The following JMJD1C variants were observed in gnomAD, a reference collection of about 807,000 sequenced individuals.
The protein encoded by JMJD1C is jumonji domain containing 1C, also known as jumonji domain-containing protein 1C.
A neutral mutation model predicts 245.3 loss-of-function variants in JMJD1C; 31 were observed. That is an observed-to-expected ratio of 0.13 (90% confidence interval 0.09 to 0.17). The LOEUF (loss-of-function observed/expected upper bound fraction) is 0.17, where lower values mean the gene tolerates loss of function less well. Among genes scored for constraint, JMJD1C ranks in the 10% least tolerant of loss-of-function variants. The probability of loss-of-function intolerance (pLI) is 1.00; values close to 1 mark genes in which losing one functional copy is unlikely to be tolerated. For synonymous variants in JMJD1C, 1,057 were observed against 1,017.4 expected (o/e 1.04, Z -0.74); for missense variants, 2,691 against 3,000.2 (o/e 0.90, Z 2.41).
At chr10:63,279,069 G>A (rs1421652593) in intron 2 of JMJD1C, among the ~76,000 whole-genome samples, 2 of 151,940 alleles carry the variant, frequency 1.3e-5, no homozygotes, top group Non-Finnish European at 2.9e-5. Flanking sequence ...GGCCAACATG[G>A]TGAAACCTCA....
At chr10:63,227,355 C>T (rs74809295) in intron 3 of JMJD1C, among the ~76,000 whole-genome samples, 2,477 of 152,278 alleles carry the variant, frequency 0.016, 65 homozygotes, top group African/African-American at 0.056. Context: ...CACATAGTCT[C>T]ATTTGACTGC....
chr10:63,207,376 T>A lies in JMJD1C; in HGVS notation c.4293A>T (p.Glu1431Asp), dbSNP rs1846758084. The A allele has an allele frequency of 6.2e-7, 1 of 1,614,062 alleles. No individual in the cohort carries two copies. The highest frequency in any genetic ancestry group is 1.1e-5 in the South Asian group (1 of 91,080). The change falls in exon 10 of 26, where the codon GAA (glutamate) becomes GAT (aspartate). Residue 1431 changes from glutamate (E) to aspartate (D), a missense_variant. By Grantham distance (45) the Glu-to-Asp change is conservative. Transcript: ENST00000399262. ...SNTILASTSS[E>D]CVSSKSVSQP... ...GACTGACACTTTTTGAAGATACACATTCTGATGATGTAGAGGCCAAAATGG... is the reference window on the plus strand; with the variant it reads ...GACTGACACTTTTTGAAGATACACAATCTGATGATGTAGAGGCCAAAATGG...
At position 63,465,484 on chromosome 10, in the gene JMJD1C, G is replaced by C. The variant is rs1061259; in HGVS notation, c.168+11C>G. ...CGCGGCAGGGGAAAAGGGGGGCGCTGACTCTCTTACCGCCAGGTCCGGATT... is the reference window on the plus strand; with the variant it reads ...CGCGGCAGGGGAAAAGGGGGGCGCTCACTCTCTTACCGCCAGGTCCGGATT... On this transcript the variant is annotated intron_variant, in intron 1 of 25. Transcript: ENST00000399262. 1,228,103 of 1,589,650 alleles carry C rather than the reference G, an allele frequency of 0.77. 484,136 individuals carry two copies. The highest frequency in any genetic ancestry group is 0.81 in the Non-Finnish European group (950,076 of 1,170,740).
intron 2 of JMJD1C, among the ~76,000 whole-genome samples, chr10:63,347,520 G>T (rs1006300517): frequency 4.7e-5 from 7 of 150,416 alleles, no homozygotes; most frequent in African/African-American, 1.5e-4. Context: ...GCAGGTGGAA[G>T]TTGCAGTGAG....
chr10:63,210,964 G>C (rs1847249961), intron 8 of JMJD1C, among the ~76,000 whole-genome samples: 1 of 152,214 alleles, frequency 6.6e-6, no homozygotes, highest in Non-Finnish European at 1.5e-5. Flanking sequence ...CTGAGATCTT[G>C]TCAACCTCAA....
intron 3 of JMJD1C, among the ~76,000 whole-genome samples, chr10:63,223,234 T>G (rs1378993926): frequency 2.0e-5 from 3 of 148,902 alleles, no homozygotes; most frequent in East Asian, 1.9e-4. Flanking sequence ...GTGCTGTTTT[T>G]TTTTTTTTTT....
chr10:63,219,856 T>C (rs1848408768), intron 4 of JMJD1C, 22 bp downstream of exon 4: 2 of 1,568,182 alleles, frequency 1.3e-6, no homozygotes, highest in South Asian at 1.1e-5. Context: ...AAAAATTTAA[T>C]GCATAACTTC....
chr10:63,463,653 GAC>G (rs1367771725), intron 1 of JMJD1C, among the ~76,000 whole-genome samples: 2 of 151,976 alleles, frequency 1.3e-5, no homozygotes, highest in African/African-American at 2.4e-5. Context: ...TTCAAATAAA[GAC>G]AGATTAAAAA....
chr10:63,472,101 C>G (rs370629069), intron 1 of JMJD1C, among the ~76,000 whole-genome samples: 66 of 152,120 alleles, frequency 4.3e-4, no homozygotes, highest in African/African-American at 1.6e-3. Context: ...AGAATTTTTG[C>G]AATGTTCTAC....
chr10:63,320,451 T>A (rs1940712655), intron 2 of JMJD1C, among the ~76,000 whole-genome samples: 1 of 152,178 alleles, frequency 6.6e-6, no homozygotes, highest in Non-Finnish European at 1.5e-5. Flanking sequence ...AAGCAATGTA[T>A]ATAGACGATG....
Position 63,167,496 on chromosome 10 carries a change from G to C in JMJD1C, c.*549C>G, listed in dbSNP as rs1841961714. Reference sequence around the variant, plus strand: ...CAGTCAATAGCTTCAACAAAATATTGAAGTGTCTGTATTTAGTATCTACTT... The same window carrying C: ...CAGTCAATAGCTTCAACAAAATATTCAAGTGTCTGTATTTAGTATCTACTT... On this transcript the variant is annotated 3_prime_UTR_variant, in exon 26 of 26. Coordinates refer to ENST00000399262, the MANE Select transcript of JMJD1C (RefSeq NM_032776.3). 6.6e-6 allele frequency: 1 copy of C among 152,482 alleles called. No individual in the cohort carries two copies. Among genetic ancestry groups the C allele is most frequent in the Non-Finnish European group, 1.5e-5 (1 of 67,994 alleles). The allele number at this position is 152,482 out of a possible 1,614,324, so 9.4% of individuals were successfully genotyped here. A position where few individuals can be genotyped will look rare whatever the true frequency, so the allele number is the denominator to read the frequency against.
At chr10:63,494,427 C>T (rs1268902870) in intron 1 of JMJD1C, among the ~76,000 whole-genome samples, 1 of 151,912 alleles carries the variant, frequency 6.6e-6, no homozygotes, top group Non-Finnish European at 1.5e-5. Context: ...TTAAAAATGT[C>T]ATCATATTGT....
intron 1 of JMJD1C, among the ~76,000 whole-genome samples, chr10:63,389,923 A>G (rs936870215): frequency 4.6e-5 from 7 of 152,168 alleles, no homozygotes; most frequent in African/African-American, 7.2e-5. Flanking sequence ...CATAATTAAT[A>G]CCTATAACCA....
At chr10:63,290,193 A>G (rs1300701410) in intron 2 of JMJD1C, among the ~76,000 whole-genome samples, 1 of 152,214 alleles carries the variant, frequency 6.6e-6, no homozygotes, top group Non-Finnish European at 1.5e-5. Flanking sequence ...AGAATCTTAA[A>G]GAAAGGTCTA....
At chr10:63,179,039 T>G (rs1330495340) in intron 22 of JMJD1C, among the ~76,000 whole-genome samples, 1 of 152,154 alleles carries the variant, frequency 6.6e-6, no homozygotes. Flanking sequence ...CCCACCCCTG[T>G]TAACCACCAT....
intron 2 of JMJD1C, among the ~76,000 whole-genome samples, chr10:63,377,628 G>A (rs139775645): frequency 0.013 from 1,975 of 152,090 alleles, 19 homozygotes; most frequent in Middle Eastern, 0.02. Flanking sequence ...CCAGCTACTC[G>A]AGAGGCTGAG....
intron 1 of JMJD1C, among the ~76,000 whole-genome samples, chr10:63,509,927 T>G (rs1402955495): frequency 2.6e-5 from 4 of 152,082 alleles, no homozygotes; most frequent in African/African-American, 9.7e-5. Flanking sequence ...TTATTATATT[T>G]CTTTTCTTCT....
intron 1 of JMJD1C, among the ~76,000 whole-genome samples, chr10:63,436,179 T>G (rs1446664640): frequency 1.3e-5 from 2 of 152,206 alleles, no homozygotes; most frequent in Non-Finnish European, 2.9e-5. Context: ...AAATGCATAT[T>G]TAAGTAGTAG....
At position 63,206,734 on chromosome 10, in the gene JMJD1C, T is replaced by C. The variant is rs1846671346; in HGVS notation, c.4935A>G (p.Gln1645=). ...GCTTCTTTTTGTAAGTTGGCTTAGGTTGTCTTTTAGTCCTTTGCTCTGACT... is the reference window on the plus strand; with the variant it reads ...GCTTCTTTTTGTAAGTTGGCTTAGGCTGTCTTTTAGTCCTTTGCTCTGACT... ...ESKSEQRTKR[Q]PKPTYKKKQN... is the part of the protein sequence containing the mutation. Residue 1645 remains glutamine, a synonymous_variant, in exon 10 of 26, where the codon CAA becomes CAG. Coordinates refer to ENST00000399262, the MANE Select transcript of JMJD1C (RefSeq NM_032776.3). 1.2e-6 allele frequency: 2 copies of C among 1,613,976 alleles called. No individual in the cohort carries two copies. The highest frequency in any genetic ancestry group is 1.7e-6 in the Non-Finnish European group (2 of 1,179,982).
Sources: gnomAD v4.1 joint callset for allele counts (sites outside exome capture counted in the v4.1 genomes callset) on GRCh38, gnomAD v4.1.1 for gene constraint, MANE v1.5 for transcripts, NCBI Gene and HGNC (gene_info 2026-07-23, HGNC 2026-07-21) for gene names.